Variants in STRADB observed in about 807,000 individuals in gnomAD.
STRADB encodes the protein STE20 related adaptor beta.
In STRADB, 34 loss-of-function variants were observed where a neutral mutation model predicts 52.1. The observed-to-expected ratio is 0.65, with a 90% confidence interval of 0.50 to 0.87. The LOEUF (loss-of-function observed/expected upper bound fraction) is 0.87, where lower values mean the gene tolerates loss of function less well. Among genes scored for constraint, STRADB ranks in the 40% least tolerant of loss-of-function variants. The probability of loss-of-function intolerance (pLI) is 0.00; values close to 1 mark genes in which losing one functional copy is unlikely to be tolerated. For synonymous variants in STRADB, 133 were observed against 174.5 expected, an observed-to-expected ratio of 0.76 and a Z score of 1.87; for missense variants, 340 against 483.9, an observed-to-expected ratio of 0.70 and a Z score of 2.79.
chr2:201,454,420 C>G (rs1274030687), intron 1 of STRADB, among the ~76,000 whole-genome samples: 1 of 152,128 alleles, frequency 6.6e-6, no homozygotes, highest in Non-Finnish European at 1.5e-5. Flanking sequence ...CAAATTTGCT[C>G]AGCGTTCTTT....
At chr2:201,473,888 C>CTT (rs889640879) in intron 5 of STRADB, among the ~76,000 whole-genome samples, 21 of 115,706 alleles carry the variant, frequency 1.8e-4, no homozygotes, top group South Asian at 5.6e-4. Context: ...TGTTCCAATT[C>CTT]TTTTTTTTTT....
chr2:201,460,830 G>A (rs1421557911), intron 3 of STRADB: 4 of 365,102 alleles, frequency 1.1e-5, no homozygotes, highest in Non-Finnish European at 1.7e-5. Flanking sequence ...AAACATGGAT[G>A]TGTATATATC....
chr2:201,468,175 T>C (rs1222855888), intron 3 of STRADB, among the ~76,000 whole-genome samples: 1 of 150,584 alleles, frequency 6.6e-6, no homozygotes, highest in Non-Finnish European at 1.5e-5. Flanking sequence ...CCTTTTTCAG[T>C]TTCAGGAAGT....
At chr2:201,461,845 A>AT (rs1952221151) in intron 3 of STRADB, among the ~76,000 whole-genome samples, 1 of 152,024 alleles carries the variant, frequency 6.6e-6, no homozygotes, top group Admixed American at 6.6e-5. Context: ...ATCCATTTCA[A>AT]TTTTATTTTT....
rs1364452567 is a variant in STRADB at position 201,474,686 on chromosome 2, A to G, written c.355A>G (p.Ile119Val). 6.2e-7 allele frequency: 1 copy of G among 1,612,454 alleles called. No individual in the cohort carries two copies. Among genetic ancestry groups the G allele is most frequent in the African/African-American group, 1.3e-5 (1 of 74,864 alleles). ...ILSHFFRHPNITTYWTVFTVG... is the reference protein window; with the variant it reads ...ILSHFFRHPNVTTYWTVFTVG... The stretch of plus-strand genomic sequence containing the variant: ...ATCCCACTTTTTCCGGCATCCCAAT[A>G]TTACAACTTATTGGACAGTTTTCAC... Residue 119 changes from isoleucine (I) to valine (V), a missense_variant, in exon 6 of 12, where the codon ATT becomes GTT. By Grantham distance (29) the Ile-to-Val change is conservative. Coordinates refer to ENST00000194530, the MANE Select transcript of STRADB (RefSeq NM_018571.6).
At chr2:201,479,927 A>G in intron 11 of STRADB, 105 bp from the exon 12 acceptor site, 2 of 1,419,396 alleles carry the variant, frequency 1.4e-6, no homozygotes, top group African/African-American at 1.4e-5. Flanking sequence ...CCTGAAAACA[A>G]TTTTAAACAC....
At chr2:201,458,675 C>A in intron 2 of STRADB, 109 bp from the exon 3 acceptor site, 1 of 868,718 alleles carries the variant, frequency 1.2e-6, no homozygotes. Context: ...GCAAGTTGCC[C>A]TTCCTCTCTT....
intron 10 of STRADB, among the ~76,000 whole-genome samples, chr2:201,478,810 A>G (rs1252038859): frequency 1.3e-5 from 2 of 152,098 alleles, no homozygotes; most frequent in Non-Finnish European, 2.9e-5. Context: ...GCGGTGGCTC[A>G]CACCTGTAAT....
At chr2:201,473,931 C>T (rs371455103) in intron 5 of STRADB, among the ~76,000 whole-genome samples, 2 of 148,908 alleles carry the variant, frequency 1.3e-5, no homozygotes, top group East Asian at 3.9e-4. Flanking sequence ...TGCTCAGTCG[C>T]CCAGGCTGGA....
chr2:201,475,906 T>G (rs1225196425), intron 7 of STRADB, among the ~76,000 whole-genome samples, 164 bp downstream of exon 7: 1 of 152,096 alleles, frequency 6.6e-6, no homozygotes, highest in East Asian at 1.9e-4. Context: ...TTGCTTACAT[T>G]TTATGTCCAT....
At position 201,480,373 on chromosome 2, in the gene STRADB, G is replaced by T. The variant is rs574842339; in HGVS notation, c.*198G>T. On this transcript the variant is annotated 3_prime_UTR_variant, in exon 12 of 12. Coordinates refer to ENST00000194530, the MANE Select transcript of STRADB (RefSeq NM_018571.6). ...GTTTCGCACAGAGTACTATGACAAG[G>T]AAACATCAGAATTACTAATCTAGCT... is the stretch of plus-strand genomic sequence containing the variant. The T allele has an allele frequency of 2.9e-4, 392 of 1,356,732 alleles. 1 individual carries two copies. The highest frequency in any genetic ancestry group is 3.5e-4 in the Non-Finnish European group (374 of 1,057,694). The allele number at this position is 1,356,732 out of a possible 1,614,324, so 84.0% of individuals were successfully genotyped here.
intron 3 of STRADB, among the ~76,000 whole-genome samples, chr2:201,459,468 T>A (rs369692769): frequency 3.9e-5 from 6 of 152,356 alleles, no homozygotes; most frequent in African/African-American, 1.4e-4. Context: ...TCATCTACTA[T>A]GTCATCCTAA....
intron 2 of STRADB, among the ~76,000 whole-genome samples, chr2:201,458,508 AATT>A (rs1952161966): frequency 6.6e-6 from 1 of 152,206 alleles, no homozygotes; most frequent in South Asian, 2.1e-4. Flanking sequence ...AGTTAAAATG[AATT>A]ATTATGACAT....
chr2:201,451,825 C>T lies in STRADB; in HGVS notation c.-209C>T, dbSNP rs1371280538. ...CTCGCCGCCCTCCCGCGCCCCGCGC[C>T]GGGAGCGGGCCTAGAGCGCTCGCCT... On this transcript the variant is annotated 5_prime_UTR_variant, in exon 1 of 12. Transcript: ENST00000194530. 6.6e-6 allele frequency: 1 copy of T among 152,122 alleles called. No homozygotes were observed. The highest frequency in any genetic ancestry group is 1.5e-5 in the Non-Finnish European group (1 of 68,076). The allele number at this position is 152,122 out of a possible 1,614,324, so 9.4% of individuals were successfully genotyped here.
chr2:201,458,890 A>C (rs998824379), intron 3 of STRADB, 26 bp downstream of exon 3: 21 of 1,594,740 alleles, frequency 1.3e-5, no homozygotes, highest in Non-Finnish European at 1.8e-5. Context: ...GGCTGGATGC[A>C]GTGGTTCACA....
chr2:201,462,084 C>G (rs566205328), intron 3 of STRADB, among the ~76,000 whole-genome samples: 1 of 152,126 alleles, frequency 6.6e-6, no homozygotes, highest in East Asian at 1.9e-4. Flanking sequence ...TATAATAGCT[C>G]TGTAGTATAA....
rs907516396 is a variant in STRADB at position 201,461,000 on chromosome 2, G to A, written c.93+2136G>A. 4.5e-4 allele frequency among the ~76,000 whole-genome samples: 68 copies of A among 150,130 alleles called. 4 individuals carry two copies. The highest frequency in any genetic ancestry group is 4.4e-5 in the Non-Finnish European group (3 of 67,690). On this transcript the variant is annotated intron_variant, in intron 3 of 11. Transcript: ENST00000194530. ...TTGCATCATCACCAACAGCATATGAGGATTCTCTTTTCTCCATATCCTCAC... is the reference window on the plus strand; with the variant it reads ...TTGCATCATCACCAACAGCATATGAAGATTCTCTTTTCTCCATATCCTCAC...
chr2:201,474,983 C>T (rs192912344), intron 6 of STRADB, among the ~76,000 whole-genome samples: 143 of 152,302 alleles, frequency 9.4e-4, no homozygotes, highest in Middle Eastern at 3.4e-3. Flanking sequence ...CCAAGAATTC[C>T]GTGCCTTTGC....
intron 9 of STRADB, 40 bp downstream of exon 9, chr2:201,478,231 A>G (rs780574357): frequency 6.3e-7 from 1 of 1,598,462 alleles, no homozygotes; most frequent in Non-Finnish European, 8.5e-7. Context: ...TGCCTTTCAT[A>G]AGACTGCTTA....
Sources: allele counts gnomAD v4.1 joint callset (sites outside exome capture counted in the v4.1 genomes callset), GRCh38; gene constraint gnomAD v4.1.1; transcripts MANE v1.5; gene names NCBI Gene and HGNC (gene_info 2026-07-23, HGNC 2026-07-21).